The following PCDHGA11 variants were observed in gnomAD, a reference collection of about 807,000 sequenced individuals.
PCDHGA11 encodes the protein protocadherin gamma subfamily A, 11, also known as protocadherin gamma-A11.
Under a neutral mutation model 60.4 loss-of-function variants are expected in PCDHGA11, and 39 were observed. The observed-to-expected ratio is 0.65, with a 90% CI of 0.50 to 0.84. The LOEUF (loss-of-function observed/expected upper bound fraction) is 0.84, where lower values mean the gene tolerates loss of function less well. Among genes scored for constraint, PCDHGA11 ranks in the 40% least tolerant of loss-of-function variants. The pLI is 0.00. For missense variants in PCDHGA11, 1,165 were observed against 1,197.7 expected, an observed-to-expected ratio of 0.97 and a Z score of 0.40; for synonymous variants, 533 against 510.3, an observed-to-expected ratio of 1.04 and a Z score of -0.60.
intron 1 of PCDHGA11, among the ~76,000 whole-genome samples, chr5:141,482,866 G>A (rs768388750): frequency 2.7e-5 from 4 of 150,296 alleles, no homozygotes; most frequent in Non-Finnish European, 4.4e-5. Flanking sequence ...GAGGTCAGGA[G>A]TTTGAAACCA....
chr5:141,468,360 A>T (rs1249822461), intron 1 of PCDHGA11: 1 of 151,938 alleles, frequency 6.6e-6, no homozygotes, highest in East Asian at 1.9e-4. Flanking sequence ...GAAAGAAAAA[A>T]GAAATAACTC....
In PCDHGA11 at chr5:141,486,005, A is replaced by G. The variant is rs1057476811; in HGVS notation, c.2434-8802A>G. On this transcript the variant is annotated intron_variant, in intron 1 of 3. Transcript: ENST00000398587. This position sits in a 1 kb window ranked among gnomAD's most constrained non-coding sequence, Gnocchi z 5.0. Reference sequence around the variant, plus strand: ...GGACCTGGGTCCCAGTGGTAACGTCACCTTTTATTTCAGTGGTCATACCCC... The same window carrying G: ...GGACCTGGGTCCCAGTGGTAACGTCGCCTTTTATTTCAGTGGTCATACCCC... 1.9e-6 allele frequency: 3 copies of G among 1,613,936 alleles called. No homozygotes were observed. The Admixed American group carries it at 5.0e-5, about 27-fold the overall frequency.
intron 2 of PCDHGA11, among the ~76,000 whole-genome samples, chr5:141,503,608 AAAAAAAG>A (rs1483073868): frequency 3.3e-5 from 5 of 151,876 alleles, no homozygotes; most frequent in South Asian, 2.1e-4. Context: ...CAAAAAAAAA[AAAAAAAG>A]AAAAAAGAAA....
intron 1 of PCDHGA11, among the ~76,000 whole-genome samples, chr5:141,446,175 G>A (rs1288608276): frequency 1.3e-5 from 2 of 152,276 alleles, no homozygotes; most frequent in Non-Finnish European, 2.9e-5. Context: ...AGGGCAGGGG[G>A]TGTTTTGTTT....
rs1375469711 is a variant in PCDHGA11 at position 141,512,102 on chromosome 5, C to G, written c.*929C>G. On this transcript the variant is annotated 3_prime_UTR_variant, in exon 4 of 4. Coordinates refer to ENST00000398587, the MANE Select transcript of PCDHGA11 (RefSeq NM_018914.3). Reference sequence around the variant, plus strand: ...GCCATAAACCAATAACTAGGCTGGACCCTTCCCACTACATAATAGGGCTCA... The same window carrying G: ...GCCATAAACCAATAACTAGGCTGGAGCCTTCCCACTACATAATAGGGCTCA... The G allele has an allele frequency of 6.5e-6, 1 of 152,806 alleles. No individual in the cohort carries two copies. The highest frequency in any genetic ancestry group is 1.9e-4 in the East Asian group (1 of 5,182). The allele number at this position is 152,806 out of a possible 1,614,324, so 9.5% of individuals were successfully genotyped here. A position where few individuals can be genotyped will look rare whatever the true frequency, so the allele number is the denominator to read the frequency against.
intron 2 of PCDHGA11, among the ~76,000 whole-genome samples, chr5:141,496,769 C>T (rs1434587849): frequency 2.0e-5 from 3 of 152,064 alleles, no homozygotes; most frequent in African/African-American, 7.3e-5. Flanking sequence ...CGAGCATCTA[C>T]TATGAGCAGG....
intron 1 of PCDHGA11, chr5:141,430,643 T>C (rs1432236231): frequency 2.1e-6 from 2 of 947,068 alleles, no homozygotes; most frequent in Non-Finnish European, 3.0e-6. Context: ...CCTGGGAGTA[T>C]GTGGAAACAA....
At chr5:141,444,599 A>G (rs373366708) in intron 1 of PCDHGA11, among the ~76,000 whole-genome samples, 2 of 152,108 alleles carry the variant, frequency 1.3e-5, no homozygotes, top group African/African-American at 2.4e-5. Flanking sequence ...CCTTATTTAA[A>G]ATTGATTTTT....
In PCDHGA11 at chr5:141,433,358, C is replaced by CCTATCTATCTATCTAT. The variant is rs3074541; in HGVS notation, c.2433+9731_2433+9746dup. ...ACAGGTGCAAGCCACCTACTGTCTG[C>CCTATCTATCTATCTAT]CTATCTATCTATCTATCTATCTATC... On this transcript the variant is annotated intron_variant, in intron 1 of 3. Coordinates refer to ENST00000398587, the MANE Select transcript of PCDHGA11 (RefSeq NM_018914.3). 1.1e-3 allele frequency: 566 copies of CCTATCTATCTATCTAT among 504,038 alleles called. 2 individuals carry two copies. The highest frequency in any genetic ancestry group is 1.7e-3 in the East Asian group (49 of 28,778). The allele number at this position is 504,038 out of a possible 1,614,324, so 31.2% of individuals were successfully genotyped here.
chr5:141,494,882 C>T lies in PCDHGA11; in HGVS notation c.2492+17C>T, dbSNP rs771484301. On this transcript the variant is annotated intron_variant, in intron 2 of 3. Transcript: ENST00000398587. ...CACCAGCGGGTAGGTGACTGATTCT[C>T]CAGCCCACCCTCTTCTCTGCGGCAT... is the stretch of plus-strand genomic sequence containing the variant. 35 of 1,614,128 alleles carry T rather than the reference C, an allele frequency of 2.2e-5. No homozygotes were observed. The highest frequency in any genetic ancestry group is 3.3e-4 in the Middle Eastern group (2 of 6,060).
chr5:141,434,667 G>T (rs1464226862), intron 1 of PCDHGA11, among the ~76,000 whole-genome samples: 3 of 152,074 alleles, frequency 2.0e-5, no homozygotes, highest in East Asian at 3.9e-4. Context: ...CTATAGAAAT[G>T]ATGCTAATGA....
rs1029546280 is a variant in PCDHGA11 at position 141,423,551 on chromosome 5, A to G, written c.2324A>G (p.Asn775Ser). The change falls in exon 1 of 4, where the codon AAC (asparagine) becomes AGC (serine). Residue 775 changes from asparagine to serine, a missense_variant. Asn to Ser is a conservative substitution (Grantham distance 46, BLOSUM62 1). Coordinates refer to ENST00000398587, the MANE Select transcript of PCDHGA11 (RefSeq NM_018914.3). ...AGTCACCTGATTTTCCCCCAGCCCA[A>G]CTATGGGGACACGCTCATCAGCCAG... Reference protein sequence around the residue: ...QKSHLIFPQPNYGDTLISQES... With the variant: ...QKSHLIFPQPSYGDTLISQES... The G allele has an allele frequency of 2.5e-6, 4 of 1,613,498 alleles. No individual in the cohort carries two copies. The African/African-American group carries it at 5.3e-5, about 22-fold the overall frequency.
intron 1 of PCDHGA11, 134 bp from the exon 2 acceptor site, chr5:141,494,673 C>A: frequency 6.5e-7 from 1 of 1,542,992 alleles, no homozygotes; most frequent in South Asian, 1.2e-5. Flanking sequence ...GATGAGTCCA[C>A]CCCTGCCCCC....
intron 1 of PCDHGA11, among the ~76,000 whole-genome samples, chr5:141,448,861 C>T (rs1017826063): frequency 2.0e-5 from 3 of 152,118 alleles, no homozygotes; most frequent in African/African-American, 7.2e-5. Flanking sequence ...AGGAGAATGG[C>T]GTGAACCTGG....
At chr5:141,488,855 C>T (rs1441666819) in intron 1 of PCDHGA11, among the ~76,000 whole-genome samples, 2 of 152,190 alleles carry the variant, frequency 1.3e-5, no homozygotes, top group Non-Finnish European at 1.5e-5. Context: ...ACCTGCAGCA[C>T]GAAGTGAGTG....
Position 141,485,175 on chromosome 5 carries a change from T to C in PCDHGA11, c.2434-9632T>C, listed in dbSNP as rs2099608731. ...GTAGAGAATTAGCGGGCGGCAGCAA[T>C]GCTCCGCAAGGTGAGAAGCTGGACA... On this transcript the variant is annotated intron_variant, in intron 1 of 3. Coordinates refer to ENST00000398587, the MANE Select transcript of PCDHGA11 (RefSeq NM_018914.3). The surrounding 1 kb of genome is among the most constrained non-coding windows in gnomAD (Gnocchi z 5.7). 6.2e-7 allele frequency: 1 copy of C among 1,611,486 alleles called. No homozygotes were observed. Among genetic ancestry groups the C allele is most frequent in the Non-Finnish European group, 8.5e-7 (1 of 1,177,998 alleles).
intron 1 of PCDHGA11, among the ~76,000 whole-genome samples, chr5:141,437,623 T>G (rs887878119): frequency 3.3e-5 from 5 of 152,172 alleles, no homozygotes; most frequent in Non-Finnish European, 7.4e-5. Context: ...TATCCCCATA[T>G]AAGATGTCAG....
chr5:141,450,823 A>ATT (rs1453980247), intron 1 of PCDHGA11, among the ~76,000 whole-genome samples: 2 of 133,076 alleles, frequency 1.5e-5, no homozygotes, highest in East Asian at 2.2e-4. Flanking sequence ...TAATATTATT[A>ATT]TTATTATTTT....
At chr5:141,465,880 TG>T (rs2154569018) in intron 1 of PCDHGA11, among the ~76,000 whole-genome samples, 1 of 152,096 alleles carries the variant, frequency 6.6e-6, no homozygotes, top group East Asian at 1.9e-4. Context: ...CCCAGCACTT[TG>T]GGAGGCCGAG....
Sources: gnomAD v4.1 joint callset for allele counts (sites outside exome capture counted in the v4.1 genomes callset) on GRCh38, gnomAD v4.1.1 for gene constraint, Gnocchi (gnomAD v3.1) non-coding constraint, MANE v1.5 for transcripts, NCBI Gene and HGNC (gene_info 2026-07-23, HGNC 2026-07-21) for gene names.